The following TBL1X variants were observed in gnomAD, a reference collection of about 807,000 sequenced individuals.
The protein encoded by TBL1X is transducin beta like 1 X-linked.
TBL1X carries 10 observed loss-of-function variants against 50.7 expected under a neutral mutation model. That is an observed-to-expected ratio of 0.20 (90% CI 0.12 to 0.33). TBL1X has a LOEUF of 0.33. Ranked by LOEUF, TBL1X falls within the 10% of genes least tolerant of loss-of-function variation. The pLI is 1.00. For missense variants in TBL1X, 340 were observed against 504.4 expected, an observed-to-expected ratio of 0.67 and a Z score of 3.12; for synonymous variants, 190 against 214.7, an observed-to-expected ratio of 0.88 and a Z score of 1.01.
intron 1 of TBL1X, among the ~76,000 whole-genome samples, chrX:9,472,022 C>T (rs1433198082): frequency 9.0e-6 from 1 of 111,088 alleles, no homozygotes; most frequent in African/African-American, 3.3e-5. Context: ...AACCTTCCTT[C>T]GGGTCTGTTG....
At chrX:9,518,098 CAAAAA>C (rs58522206) in intron 2 of TBL1X, among the ~76,000 whole-genome samples, 2 of 68,250 alleles carry the variant, frequency 2.9e-5, no homozygotes, top group African/African-American at 5.7e-5. Context: ...GATCCTCTCT[CAAAAA>C]AAAAAAAAAA....
chrX:9,531,354 G>GGGGGTGT (rs755352161), intron 2 of TBL1X, among the ~76,000 whole-genome samples: 13 of 75,217 alleles, frequency 1.7e-4, no homozygotes, highest in Admixed American at 5.0e-4. Context: ...GAACCTGGAG[G>GGGGGTGT]GTGTGTGTGT....
At chrX:9,463,856 T>C (rs970267378), upstream of TBL1X, among the ~76,000 whole-genome samples, 44 of 111,892 alleles carry the variant, frequency 3.9e-4, no homozygotes, top group African/African-American at 1.3e-3. Context: ...AGCGCGCCAC[T>C]GCACTCCAGC....
At chrX:9,533,180 GGTA>G (rs1412889090) in intron 2 of TBL1X, among the ~76,000 whole-genome samples, 1 of 111,991 alleles carries the variant, frequency 8.9e-6, no homozygotes, top group East Asian at 2.8e-4. Context: ...GAGGGTAAGA[GGTA>G]AAAGGAAGGG....
intron 2 of TBL1X, among the ~76,000 whole-genome samples, chrX:9,536,405 G>A (rs756103229): frequency 8.2e-5 from 9 of 109,701 alleles, no homozygotes; most frequent in Admixed American, 2.9e-4. Context: ...CATGCACCAC[G>A]ATGCCCAGCT....
rs760815154 is a variant in TBL1X at position 9,612,939 on chromosome X, T to TA, written c.-130-27324dup. On this transcript the variant is annotated intron_variant, in intron 2 of 17. Transcript: ENST00000645353. Reference sequence around the variant, plus strand: ...AGTAAAATATCTGGTATATAACAGTTAAAAAAAAAACTGTATTATCAACTC... The same window carrying TA: ...AGTAAAATATCTGGTATATAACAGTTAAAAAAAAAAACTGTATTATCAACTC... Among the ~76,000 whole-genome samples the TA allele has an allele frequency of 8.4e-3, 879 of 104,968 alleles. 4 individuals carry two copies. The highest frequency in any genetic ancestry group is 0.02 in the Middle Eastern group (4 of 202). 91.2% of individuals were successfully genotyped at this position (104,968 alleles called of 115,157 possible). A position where few individuals can be genotyped will look rare whatever the true frequency, so the allele number is the denominator to read the frequency against.
At chrX:9,574,040 C>T (rs1450637818) in intron 2 of TBL1X, among the ~76,000 whole-genome samples, 1 of 111,700 alleles carries the variant, frequency 9.0e-6, no homozygotes, top group Non-Finnish European at 1.9e-5. Flanking sequence ...GCAGCGCTTA[C>T]AGCAGGTAGT....
chrX:9,649,061 C>T (rs1044305468), intron 3 of TBL1X, among the ~76,000 whole-genome samples: 12 of 111,455 alleles, frequency 1.1e-4, no homozygotes, highest in African/African-American at 2.9e-4. Flanking sequence ...AGCTAAACGC[C>T]GGGACACCCA....
rs755109474 is a variant in TBL1X at position 9,714,824 on chromosome X, C to T, written c.1606-78C>T. The T allele has an allele frequency of 5.0e-5, 48 of 964,179 alleles. 1 individual carries two copies. The South Asian group carries it at 5.8e-4, about 12-fold the overall frequency. 79.5% of individuals were successfully genotyped at this position (964,179 alleles called of 1,213,427 possible). On this transcript the variant is annotated intron_variant, in intron 16 of 17. Transcript: ENST00000645353. ...AATGTTCATGACGAAACGTCAGGGC[C>T]GGAGGAGCGCACATTCCACACCTGC...
At chrX:9,641,883 T>G (rs1378908650) in intron 3 of TBL1X, among the ~76,000 whole-genome samples, 1 of 112,082 alleles carries the variant, frequency 8.9e-6, no homozygotes, top group African/African-American at 3.2e-5. Flanking sequence ...TGTATTTCCC[T>G]TTTGGTTATT....
chrX:9,568,569 G>T (rs1363805772), intron 2 of TBL1X, among the ~76,000 whole-genome samples: 1 of 106,283 alleles, frequency 9.4e-6, no homozygotes, highest in African/African-American at 3.4e-5. Context: ...GGTGTGCTCT[G>T]TGTATGTTGT....
chrX:9,469,961 T>C (rs1460136477), intron 1 of TBL1X, among the ~76,000 whole-genome samples: 1 of 112,779 alleles, frequency 8.9e-6, no homozygotes, highest in Non-Finnish European at 1.9e-5. Context: ...GCCAACCGCT[T>C]TTCTTAGAAC....
intron 2 of TBL1X, among the ~76,000 whole-genome samples, chrX:9,530,008 T>C (rs2082152247): frequency 9.0e-6 from 1 of 110,992 alleles, no homozygotes; most frequent in Non-Finnish European, 1.9e-5. Context: ...TGGGTTAATA[T>C]CTAGAAATAC....
At chrX:9,616,199 C>T (rs1203105765) in intron 2 of TBL1X, among the ~76,000 whole-genome samples, 1 of 111,376 alleles carries the variant, frequency 9.0e-6, no homozygotes, top group Non-Finnish European at 1.9e-5. Context: ...GTGTGTACCC[C>T]CCACCCACCA....
intron 1 of TBL1X, among the ~76,000 whole-genome samples, chrX:9,499,431 C>T (rs1331599180): frequency 8.9e-6 from 1 of 111,987 alleles, no homozygotes; most frequent in African/African-American, 3.2e-5. Flanking sequence ...ATCATTGTAC[C>T]AGTGGGCAGC....
intron 2 of TBL1X, among the ~76,000 whole-genome samples, chrX:9,593,905 A>AG (rs1485136532): frequency 1.8e-5 from 2 of 111,391 alleles, no homozygotes; most frequent in Non-Finnish European, 3.8e-5. Flanking sequence ...CTCCACTGCA[A>AG]GGGGGAGAAG....
At position 9,509,159 on chromosome X, in the gene TBL1X, G is replaced by A. The variant is rs752355850; in HGVS notation, c.-131+7310G>A. Among the ~76,000 whole-genome samples the A allele has an allele frequency of 6.5e-5, 7 of 107,693 alleles. No individual in the cohort carries two copies. The South Asian group carries it at 1.2e-3, about 19-fold the overall frequency. The allele number at this position is 107,693 out of a possible 115,157, so 93.5% of individuals were successfully genotyped here. A position where few individuals can be genotyped will look rare whatever the true frequency, so the allele number is the denominator to read the frequency against. On this transcript the variant is annotated intron_variant, in intron 2 of 17. Transcript: ENST00000645353. ...TCCCAGCACTTTGGGAGGCCAAGGC[G>A]GACGGATCACAAGGTCAGGAGATCG...
chrX:9,497,792 C>G (rs1429662959), intron 1 of TBL1X, among the ~76,000 whole-genome samples: 2 of 81,023 alleles, frequency 2.5e-5, no homozygotes, highest in Non-Finnish European at 4.6e-5. Flanking sequence ...CTCCCTCCCT[C>G]TCTCCGTCTC....
intron 2 of TBL1X, among the ~76,000 whole-genome samples, chrX:9,509,627 A>G (rs2082045360): frequency 1.9e-5 from 2 of 107,537 alleles, no homozygotes; most frequent in Non-Finnish European, 3.8e-5. Flanking sequence ...CTGGGATTAC[A>G]GGCACACGCC....
Sources: gnomAD v4.1 joint callset for allele counts (sites outside exome capture counted in the v4.1 genomes callset) on GRCh38, gnomAD v4.1.1 for gene constraint, MANE v1.5 for transcripts, NCBI Gene and HGNC (gene_info 2026-07-23, HGNC 2026-07-21) for gene names.